Variants in RBFOX1 observed in about 807,000 individuals in gnomAD.
RBFOX1 encodes the protein RNA binding fox-1 homolog 1.
A neutral mutation model predicts 57.7 loss-of-function variants in RBFOX1; 8 were observed. That is an observed-to-expected ratio of 0.14 (90% confidence interval 0.08 to 0.25). The LOEUF is 0.25. Ranked by LOEUF, RBFOX1 falls within the 10% of genes least tolerant of loss-of-function variation. The pLI is 1.00. For synonymous variants in RBFOX1, 326 were observed against 222.4 expected (o/e 1.47, Z -4.15); for missense variants, 611 against 548.5 (o/e 1.11, Z -1.14).
At chr16:5,248,576 C>T (rs960926325) in intron 1 of RBFOX1, among the ~76,000 whole-genome samples, 12 of 152,146 alleles carry the variant, frequency 7.9e-5, no homozygotes, top group East Asian at 1.9e-4. Context: ...ATCAGAGCCC[C>T]GGGGCAGGAG....
At chr16:6,428,711 T>A (rs1050529087) in intron 2 of RBFOX1, among the ~76,000 whole-genome samples, 3 of 152,220 alleles carry the variant, frequency 2.0e-5, no homozygotes, top group African/African-American at 7.2e-5. Context: ...GAGAAGAATA[T>A]TCACTGGGCT....
intron 2 of RBFOX1, among the ~76,000 whole-genome samples, chr16:6,470,715 C>T (rs2095154691): frequency 6.6e-6 from 1 of 152,178 alleles, no homozygotes; most frequent in African/African-American, 2.4e-5. Context: ...TCATCGATAC[C>T]ACCATTTAGT....
rs112792561 is a variant in RBFOX1, at chr16:6,712,172, G to A, written c.-16+57522G>A. Among the ~76,000 whole-genome samples the A allele has an allele frequency of 2.6e-3, 398 of 152,224 alleles. 3 individuals carry two copies. The highest frequency in any genetic ancestry group is 9.0e-3 in the African/African-American group (376 of 41,550). ...ATGTAGAGGTGCTCAATGAACAGTA[G>A]CCATCATCATTATTTACTATCAGAG... is the stretch of plus-strand genomic sequence containing the variant. On this transcript the variant is annotated intron_variant, in intron 3 of 15. Transcript: ENST00000550418.
intron 12 of RBFOX1, among the ~76,000 whole-genome samples, chr16:7,659,803 C>T (rs1273962455): frequency 6.6e-6 from 1 of 152,078 alleles, no homozygotes; most frequent in Non-Finnish European, 1.5e-5. Context: ...AACTTATAGA[C>T]AAACATGATG....
intron 1 of RBFOX1, among the ~76,000 whole-genome samples, chr16:6,168,393 C>T (rs2096933489): frequency 6.6e-6 from 1 of 152,128 alleles, no homozygotes; most frequent in Non-Finnish European, 1.5e-5. Context: ...GTCATGTCTT[C>T]CTTCTACGTA....
intron 4 of RBFOX1, among the ~76,000 whole-genome samples, chr16:7,438,628 C>G (rs752656982): frequency 6.6e-5 from 10 of 152,176 alleles, no homozygotes; most frequent in Non-Finnish European, 1.5e-4. Context: ...AAAATATAAT[C>G]AGGCTAATGC....
intron 2 of RBFOX1, among the ~76,000 whole-genome samples, chr16:6,592,273 T>G (rs2097721929): frequency 6.6e-6 from 1 of 152,226 alleles, no homozygotes; most frequent in Non-Finnish European, 1.5e-5. Context: ...AGTTGGACAT[T>G]GCATACATAT....
At chr16:6,816,978 G>T (rs565343027) in intron 3 of RBFOX1, among the ~76,000 whole-genome samples, 8 of 151,982 alleles carry the variant, frequency 5.3e-5, no homozygotes, top group Non-Finnish European at 1.0e-4. Context: ...ATACTCCTGT[G>T]CTCAAGCGAT....
In RBFOX1 at chr16:5,633,100, G is replaced by A. The variant is rs190943298; in HGVS notation, c.318+34139G>A. ...ACTGTAGGCACCAGTCACCATGCCC[G>A]GCTAATTTTTGTATTTTTAATAGAG... On this transcript the variant is annotated intron_variant, in intron 3 of 19. Transcript: ENST00000641259. Among the ~76,000 whole-genome samples the A allele has an allele frequency of 1.1e-4, 17 of 152,012 alleles. No individual in the cohort carries two copies. In the East Asian group the frequency reaches 1.2e-3, roughly 10 times the overall value.
At chr16:6,702,136 T>A (rs993428117) in intron 3 of RBFOX1, among the ~76,000 whole-genome samples, 11 of 152,174 alleles carry the variant, frequency 7.2e-5, no homozygotes, top group African/African-American at 2.7e-4. Context: ...AATCACTCAT[T>A]ACAGCAGGGA....
intron 4 of RBFOX1, among the ~76,000 whole-genome samples, chr16:7,201,524 C>G (rs1298894214): frequency 6.6e-6 from 1 of 151,328 alleles, no homozygotes; most frequent in Non-Finnish European, 1.5e-5. Context: ...TGCAATGGCA[C>G]AATCTGGGCT....
chr16:5,976,481 C>A (rs912158821), intron 4 of RBFOX1, among the ~76,000 whole-genome samples: 2 of 152,112 alleles, frequency 1.3e-5, no homozygotes, highest in Admixed American at 1.3e-4. Flanking sequence ...TCCTTAGAAT[C>A]CCATTAGGAA....
chr16:5,821,400 A>C (rs573748389), intron 3 of RBFOX1, among the ~76,000 whole-genome samples: 1 of 148,758 alleles, frequency 6.7e-6, no homozygotes, highest in Admixed American at 6.8e-5. Flanking sequence ...ACTCCTGGAC[A>C]TGAGCAGTTC....
chr16:7,472,113 CGAA>C (rs903065944), intron 4 of RBFOX1, among the ~76,000 whole-genome samples: 1 of 152,120 alleles, frequency 6.6e-6, no homozygotes, highest in African/African-American at 2.4e-5. Flanking sequence ...ATTAAAAAAT[CGAA>C]GAATATATAA....
chr16:5,811,493 C>G (rs562163644), intron 3 of RBFOX1, among the ~76,000 whole-genome samples: 54 of 148,910 alleles, frequency 3.6e-4, no homozygotes, highest in African/African-American at 1.3e-3. Context: ...ATTCTGTCAC[C>G]AGGCTGGAGT....
chr16:5,442,366 C>T (rs925065236), intron 1 of RBFOX1, among the ~76,000 whole-genome samples: 1 of 152,216 alleles, frequency 6.6e-6, no homozygotes, highest in African/African-American at 2.4e-5. Context: ...CTGTGTCCTG[C>T]AGGCTCTGGG....
chr16:5,770,216 C>G (rs543043595), intron 3 of RBFOX1, among the ~76,000 whole-genome samples: 146 of 151,548 alleles, frequency 9.6e-4, no homozygotes, highest in Middle Eastern at 6.8e-3. Flanking sequence ...TTTCAGAACA[C>G]CAGTCACAAC....
intron 3 of RBFOX1, among the ~76,000 whole-genome samples, chr16:5,752,219 G>T (rs1483228933): frequency 1.3e-5 from 2 of 152,210 alleles, no homozygotes; most frequent in Admixed American, 1.3e-4. Context: ...GTAGCTGAAT[G>T]ATGAGAACAC....
intron 4 of RBFOX1, among the ~76,000 whole-genome samples, chr16:5,894,699 T>C (rs2058120097): frequency 6.6e-6 from 1 of 152,152 alleles, no homozygotes; most frequent in African/African-American, 2.4e-5. Flanking sequence ...ATGTTATCTA[T>C]ATTGCACAGC....
Sources: allele counts gnomAD v4.1 joint callset (sites outside exome capture counted in the v4.1 genomes callset), GRCh38; gene constraint gnomAD v4.1.1; transcripts MANE v1.5; gene names NCBI Gene and HGNC (gene_info 2026-07-23, HGNC 2026-07-21).